LRRC8A: variants seen among roughly 807,000 people sequenced by gnomAD.
The protein encoded by LRRC8A is leucine rich repeat containing 8 VRAC subunit A, also known as volume-regulated anion channel subunit LRRC8A.
A neutral mutation model predicts 52.5 loss-of-function variants in LRRC8A; 24 were observed. That is an observed-to-expected ratio of 0.46 (90% CI 0.33 to 0.64). The LOEUF (loss-of-function observed/expected upper bound fraction) is 0.64. Ranked by LOEUF, LRRC8A falls within the 30% of genes least tolerant of loss-of-function variation. The pLI, the probability that LRRC8A is intolerant of heterozygous loss-of-function variation, is 0.02. For synonymous variants in LRRC8A, 492 were observed against 494.2 expected, an observed-to-expected ratio of 1.00 and a Z score of 0.06; for missense variants, 677 against 1,094.7, an observed-to-expected ratio of 0.62 and a Z score of 5.38.
chr9:128,895,847 G>A (rs1044290356), intron 2 of LRRC8A, among the ~76,000 whole-genome samples: 2 of 152,180 alleles, frequency 1.3e-5, no homozygotes, highest in Non-Finnish European at 2.9e-5. Flanking sequence ...GCTATGCAGG[G>A]TAGGAATGCA....
Position 128,907,392 on chromosome 9 carries a change from C to T in LRRC8A, c.228C>T (p.Gly76=), listed in dbSNP as rs1249790083. The change falls in exon 3 of 4, where the codon GGC becomes GGT. Residue 76 remains glycine, a synonymous_variant. Transcript: ENST00000372600. The surrounding 1 kb of genome is among the most constrained non-coding windows in gnomAD (Gnocchi z 9.3). ...CGTTCCGGGGCTGGGCAGCCCCTGG[C>T]CCGGAGCCCACCTACCCCAACTCCA... ...NDSFRGWAAP[G]PEPTYPNSTI... The T allele has an allele frequency of 1.9e-6, 3 of 1,613,316 alleles. No individual in the cohort carries two copies. The highest frequency in any genetic ancestry group is 2.5e-6 in the Non-Finnish European group (3 of 1,180,024).
intron 2 of LRRC8A, among the ~76,000 whole-genome samples, chr9:128,900,186 C>T (rs549529229): frequency 1.3e-5 from 2 of 152,216 alleles, no homozygotes; most frequent in Non-Finnish European, 1.5e-5. Context: ...CCCACATCCA[C>T]CTGAAACTGC....
chr9:128,890,167 T>TGTGTGTGTGTGC (rs1554821412), intron 2 of LRRC8A, among the ~76,000 whole-genome samples: 4 of 151,086 alleles, frequency 2.6e-5, no homozygotes, highest in African/African-American at 9.7e-5. Flanking sequence ...TGTGTGTGTG[T>TGTGTGTGTGTGC]GTGCTGGGAA....
chr9:128,909,753 C>T (rs1375913515), intron 3 of LRRC8A, among the ~76,000 whole-genome samples: 1 of 152,184 alleles, frequency 6.6e-6, no homozygotes, highest in Non-Finnish European at 1.5e-5. Context: ...AGCTTGTTCC[C>T]AGTCGGACTT....
At chr9:128,898,183 T>A (rs1331487704) in intron 2 of LRRC8A, among the ~76,000 whole-genome samples, 1 of 152,130 alleles carries the variant, frequency 6.6e-6, no homozygotes, top group Non-Finnish European at 1.5e-5. Flanking sequence ...ACTTTTGGGA[T>A]TGCATAGTAT....
chr9:128,882,908 A>G (rs921334420), intron 1 of LRRC8A: 8 of 397,632 alleles, frequency 2.0e-5, no homozygotes, highest in Non-Finnish European at 3.5e-5. Context: ...GTGCAGCCCT[A>G]GGTGAGCTGG....
In LRRC8A at chr9:128,908,466, G is replaced by C; in HGVS notation, c.1302G>C (p.Met434Ile). 2 of 1,613,146 alleles carry C rather than the reference G, an allele frequency of 1.2e-6. No homozygotes were observed. Among genetic ancestry groups the C allele is most frequent in the Non-Finnish European group, 1.7e-6 (2 of 1,179,998 alleles). Residue 434 changes from methionine (M) to isoleucine (I), a missense_variant, in exon 3 of 4, where the codon ATG (methionine) becomes ATC (isoleucine). By Grantham distance (10) the Met-to-Ile change is conservative. Coordinates refer to ENST00000372600, the MANE Select transcript of LRRC8A (RefSeq NM_019594.4). ...ACAAGCTGGAGCTGCACCTGTTCAT[G>C]CTCAGTGGCATCCCTGACACTGTGT... ...AQDKLELHLF[M>I]LSGIPDTVFD...
chr9:128,893,613 G>C (rs1231013660), intron 2 of LRRC8A, among the ~76,000 whole-genome samples: 2 of 152,102 alleles, frequency 1.3e-5, no homozygotes, highest in Non-Finnish European at 2.9e-5. Context: ...AGGCAGGGCA[G>C]GGAGGATGAG....
chr9:128,910,312 C>T (rs1483641254), intron 3 of LRRC8A, among the ~76,000 whole-genome samples: 2 of 152,228 alleles, frequency 1.3e-5, no homozygotes, highest in Non-Finnish European at 2.9e-5. Flanking sequence ...GCCAGCCACC[C>T]TTCTGCCCCC....
At chr9:128,905,246 G>T (rs1388275468) in intron 2 of LRRC8A, among the ~76,000 whole-genome samples, 1 of 152,220 alleles carries the variant, frequency 6.6e-6, no homozygotes, top group Non-Finnish European at 1.5e-5. Flanking sequence ...AAAGTTAACA[G>T]TGTGTAACCC....
chr9:128,887,418 C>A (rs1839439070), intron 2 of LRRC8A, among the ~76,000 whole-genome samples: 1 of 152,042 alleles, frequency 6.6e-6, no homozygotes, highest in Non-Finnish European at 1.5e-5. Context: ...CCTGCCTTGG[C>A]CTCCTAAAGT....
At position 128,911,592 on chromosome 9, in the gene LRRC8A, T is replaced by C. The variant is rs946075494; in HGVS notation, c.2157+2271T>C. Among the ~76,000 whole-genome samples the C allele has an allele frequency of 2.0e-5, 3 of 152,154 alleles. No individual in the cohort carries two copies. Among genetic ancestry groups the C allele is most frequent in the African/African-American group, 4.8e-5 (2 of 41,430 alleles). On this transcript the variant is annotated intron_variant, in intron 3 of 3. Coordinates refer to ENST00000372600, the MANE Select transcript of LRRC8A (RefSeq NM_019594.4). This position sits in a 1 kb window ranked among gnomAD's most constrained non-coding sequence, Gnocchi z 4.9. The stretch of plus-strand genomic sequence containing the variant: ...TGTCCCGGGTGCTGTGCTGGGGCTG[T>C]CCTCCTGGTTGGGGGAGGGTTCAAG...
At chr9:128,882,509 A>G in intron 1 of LRRC8A, 2 of 391,658 alleles carry the variant, frequency 5.1e-6, no homozygotes. Context: ...CTTGTGCTTC[A>G]GAAACCAGGA....
intron 2 of LRRC8A, among the ~76,000 whole-genome samples, chr9:128,896,155 T>A (rs1839816817): frequency 6.6e-6 from 1 of 152,260 alleles, no homozygotes; most frequent in African/African-American, 2.4e-5. Context: ...GGTATACACC[T>A]TGTAGAAAAC....
At chr9:128,893,503 G>A (rs2130957198) in intron 2 of LRRC8A, among the ~76,000 whole-genome samples, 1 of 152,322 alleles carries the variant, frequency 6.6e-6, no homozygotes, top group African/African-American at 2.4e-5. Context: ...TGAGGCAGTA[G>A]TGGGGTTGGC....
intron 2 of LRRC8A, among the ~76,000 whole-genome samples, chr9:128,903,435 C>G (rs543755936): frequency 7.5e-6 from 1 of 134,130 alleles, no homozygotes; most frequent in Non-Finnish European, 1.6e-5. Flanking sequence ...TTTTTTGAGT[C>G]GGCACCTCGC....
chr9:128,900,370 T>C (rs1393598054), intron 2 of LRRC8A, among the ~76,000 whole-genome samples: 1 of 152,222 alleles, frequency 6.6e-6, no homozygotes, highest in African/African-American at 2.4e-5. Context: ...AGAAAGATTA[T>C]ACCAGCCTGG....
Position 128,892,979 on chromosome 9 carries a change from G to A in LRRC8A, c.-9+6858G>A, listed in dbSNP as rs553276088. Among the ~76,000 whole-genome samples, 2 of 152,156 alleles carry A rather than the reference G, an allele frequency of 1.3e-5. No homozygotes were observed. Among genetic ancestry groups the A allele is most frequent in the Admixed American group, 6.5e-5 (1 of 15,278 alleles). ...CCTGCCGCCCAGGTGTGGGAGCCAC[G>A]CCAAATCCCTGTGGGCCCACATGGG... is the stretch of plus-strand genomic sequence containing the variant. On this transcript the variant is annotated intron_variant, in intron 2 of 3. Coordinates refer to ENST00000372600, the MANE Select transcript of LRRC8A (RefSeq NM_019594.4). This position sits in a 1 kb window ranked among gnomAD's most constrained non-coding sequence, Gnocchi z 5.2.
At chr9:128,904,997 CAAAAA>C (rs770042979) in intron 2 of LRRC8A, among the ~76,000 whole-genome samples, 2 of 29,846 alleles carry the variant, frequency 6.7e-5, no homozygotes, top group Non-Finnish European at 1.4e-4. Context: ...GACTCCGTCT[CAAAAA>C]AAAAAAAAAA....
Sources: gnomAD v4.1 joint callset for allele counts (sites outside exome capture counted in the v4.1 genomes callset) on GRCh38, gnomAD v4.1.1 for gene constraint, Gnocchi (gnomAD v3.1) non-coding constraint, MANE v1.5 for transcripts, NCBI Gene and HGNC (gene_info 2026-07-23, HGNC 2026-07-21) for gene names.